The following CDH13 variants were observed in gnomAD, a reference collection of about 807,000 sequenced individuals.
CDH13 encodes the protein cadherin 13, also known as cadherin-13.
CDH13 carries 24 observed loss-of-function variants against 63.8 expected under a neutral mutation model. The observed-to-expected ratio is 0.38, with a 90% CI of 0.27 to 0.53. The LOEUF (loss-of-function observed/expected upper bound fraction) is 0.53, where lower values mean the gene tolerates loss of function less well. Among genes scored for constraint, CDH13 ranks in the 20% least tolerant of loss-of-function variants. CDH13 has a pLI of 0.85. For synonymous variants in CDH13, 503 were observed against 355.3 expected, an observed-to-expected ratio of 1.42 and a Z score of -4.67; for missense variants, 1,049 against 903.1, an observed-to-expected ratio of 1.16 and a Z score of -2.07.
chr16:83,362,934 G>A (rs1395460180), intron 6 of CDH13, among the ~76,000 whole-genome samples: 1 of 152,210 alleles, frequency 6.6e-6, no homozygotes, highest in Non-Finnish European at 1.5e-5. Flanking sequence ...TGCACGTTAA[G>A]AAGCTGCTCT....
chr16:83,017,745 A>T (rs1430405871), intron 2 of CDH13, among the ~76,000 whole-genome samples: 1 of 152,204 alleles, frequency 6.6e-6, no homozygotes, highest in South Asian at 2.1e-4. Flanking sequence ...TTGAATATAT[A>T]GGGAAACAAT....
chr16:82,707,843 CAGT>C (rs1398728368), intron 1 of CDH13, among the ~76,000 whole-genome samples: 1 of 152,148 alleles, frequency 6.6e-6, no homozygotes, highest in African/African-American at 2.4e-5. Flanking sequence ...AAGAGGAACA[CAGT>C]AAAATTTACC....
intron 6 of CDH13, among the ~76,000 whole-genome samples, chr16:83,420,828 A>G (rs1389438286): frequency 6.6e-6 from 1 of 152,188 alleles, no homozygotes; most frequent in Non-Finnish European, 1.5e-5. Flanking sequence ...CTGGCAAGTC[A>G]CTGGTGAAAG....
chr16:83,157,893 A>G lies in CDH13; in HGVS notation c.483+32392A>G, dbSNP rs1227407485. Among the ~76,000 whole-genome samples, 3 of 152,124 alleles carry G rather than the reference A, an allele frequency of 2.0e-5. No individual in the cohort carries two copies. In the East Asian group the frequency reaches 5.8e-4, roughly 29 times the overall value. On this transcript the variant is annotated intron_variant, in intron 4 of 13. Coordinates refer to ENST00000567109, the MANE Select transcript of CDH13 (RefSeq NM_001257.5). Reference sequence around the variant, plus strand: ...ATGCCACTGCATTCCAGCCTGGGTGACAGAGTGAGACTCTGTCTCAAAAAA... The same window carrying G: ...ATGCCACTGCATTCCAGCCTGGGTGGCAGAGTGAGACTCTGTCTCAAAAAA...
At chr16:82,809,664 T>G (rs963042089) in intron 1 of CDH13, among the ~76,000 whole-genome samples, 1 of 152,072 alleles carries the variant, frequency 6.6e-6, no homozygotes, top group Admixed American at 6.6e-5. Context: ...AACATAAAGG[T>G]ATTAAAGTGA....
At chr16:83,414,721 C>T in intron 6 of CDH13, among the ~76,000 whole-genome samples, 1 of 152,190 alleles carries the variant, frequency 6.6e-6, no homozygotes, top group Non-Finnish European at 1.5e-5. Flanking sequence ...CTTCAAGATT[C>T]ATCCATGTTG....
At position 83,783,311 on chromosome 16, in the gene CDH13, C is replaced by A. The variant is rs1183018956; in HGVS notation, c.1973C>A (p.Pro658His). The part of the protein sequence containing the change: ...QNLNKANYNL[P>H]IMVTDSGKPP... ...CTGAACAAAGCAAACTACAACCTGCCCATCATGGTGACAGATTCAGGGAAA... is the reference window on the plus strand; with the variant it reads ...CTGAACAAAGCAAACTACAACCTGCACATCATGGTGACAGATTCAGGGAAA... The change falls in exon 13 of 14, where the codon CCC becomes CAC. Residue 658 changes from proline to histidine, a missense_variant. Physicochemically the swap from Pro to His is moderately conservative, Grantham distance 77. Transcript: ENST00000567109. The A allele has an allele frequency of 3.1e-6, 5 of 1,613,806 alleles. No individual in the cohort carries two copies. Among genetic ancestry groups the A allele is most frequent in the Non-Finnish European group, 4.2e-6 (5 of 1,179,866 alleles).
chr16:82,761,989 G>T (rs1334989799), intron 1 of CDH13, among the ~76,000 whole-genome samples: 1 of 152,200 alleles, frequency 6.6e-6, no homozygotes. Flanking sequence ...AAAAGACAAA[G>T]AGAAATGGCA....
intron 1 of CDH13, among the ~76,000 whole-genome samples, chr16:82,653,774 G>A (rs1910996026): frequency 1.3e-5 from 2 of 152,192 alleles, no homozygotes; most frequent in Admixed American, 1.3e-4. Flanking sequence ...TTAAATCTGG[G>A]TTTTCCAATG....
intron 5 of CDH13, among the ~76,000 whole-genome samples, chr16:83,308,042 A>G (rs180923395): frequency 9.3e-4 from 141 of 152,332 alleles, no homozygotes; most frequent in African/African-American, 3.2e-3. Flanking sequence ...TACCTCAATC[A>G]GAAGCCAAAT....
At chr16:83,366,427 G>A (rs1295565227) in intron 6 of CDH13, among the ~76,000 whole-genome samples, 1 of 152,134 alleles carries the variant, frequency 6.6e-6, no homozygotes, top group Non-Finnish European at 1.5e-5. Context: ...AGCTTTACGT[G>A]CGAGTCCCCA....
intron 8 of CDH13, among the ~76,000 whole-genome samples, chr16:83,649,122 C>T (rs1029587551): frequency 2.0e-5 from 3 of 152,348 alleles, no homozygotes; most frequent in African/African-American, 7.2e-5. Flanking sequence ...CCTCGCCCCC[C>T]ATTCCCCTCA....
intron 7 of CDH13, among the ~76,000 whole-genome samples, chr16:83,563,394 G>A (rs554675063): frequency 6.6e-6 from 1 of 152,164 alleles, no homozygotes; most frequent in South Asian, 2.1e-4. Flanking sequence ...TGTTTTTGAA[G>A]CTGTAATTTT....
chr16:83,426,151 C>T (rs987726209), intron 6 of CDH13, among the ~76,000 whole-genome samples: 3 of 152,144 alleles, frequency 2.0e-5, no homozygotes, highest in Admixed American at 1.3e-4. Context: ...TCCATTCCTT[C>T]TCTGAAGCTC....
chr16:82,690,245 A>T (rs987959103), intron 1 of CDH13, among the ~76,000 whole-genome samples: 54 of 151,474 alleles, frequency 3.6e-4, no homozygotes, highest in Non-Finnish European at 5.7e-4. Flanking sequence ...AATAAATATG[A>T]AGAAGAATGG....
chr16:82,876,197 A>G (rs1292484949), intron 2 of CDH13, among the ~76,000 whole-genome samples: 1 of 152,202 alleles, frequency 6.6e-6, no homozygotes, highest in East Asian at 1.9e-4. Context: ...CAGCTAAACC[A>G]TATCATGTCC....
chr16:82,994,418 A>C (rs1240510216), intron 2 of CDH13, among the ~76,000 whole-genome samples: 2 of 152,136 alleles, frequency 1.3e-5, no homozygotes, highest in African/African-American at 4.8e-5. Context: ...AGGGAGGGGC[A>C]GGGATTTCCC....
Position 83,110,726 on chromosome 16 carries a change from C to G in CDH13, c.367-14659C>G, listed in dbSNP as rs188226733. On this transcript the variant is annotated intron_variant, in intron 3 of 13. Transcript: ENST00000567109. ...CTCAGACATCTCTGGATCCAACCAGCTTTTGTTTTGCCAGGGTCGGGCTTC... is the reference window on the plus strand; with the variant it reads ...CTCAGACATCTCTGGATCCAACCAGGTTTTGTTTTGCCAGGGTCGGGCTTC... Among the ~76,000 whole-genome samples, 15 of 152,208 alleles carry G rather than the reference C, an allele frequency of 9.9e-5. No individual in the cohort carries two copies. The East Asian group carries it at 2.9e-3, about 29-fold the overall frequency.
At chr16:82,664,985 T>C (rs1336560815) in intron 1 of CDH13, among the ~76,000 whole-genome samples, 1 of 152,158 alleles carries the variant, frequency 6.6e-6, no homozygotes, top group Admixed American at 6.5e-5. Context: ...CTCAGTAAAA[T>C]GTATCTGTAG....
Sources: allele counts gnomAD v4.1 joint callset (sites outside exome capture counted in the v4.1 genomes callset), GRCh38; gene constraint gnomAD v4.1.1; transcripts MANE v1.5; gene names NCBI Gene and HGNC (gene_info 2026-07-23, HGNC 2026-07-21).